CARMIL1: variants seen among roughly 807,000 people sequenced by gnomAD.
The protein encoded by CARMIL1 is capping protein regulator and myosin 1 linker 1.
Under a neutral mutation model 177.1 loss-of-function variants are expected in CARMIL1, and 90 were observed. The observed-to-expected ratio is 0.51, with a 90% confidence interval of 0.43 to 0.61. The LOEUF is 0.61. CARMIL1 is among the 20% of genes least tolerant of loss of function. The pLI is 0.00. For missense variants in CARMIL1, 1,380 were observed against 1,667.0 expected (o/e 0.83, Z 3.00); for synonymous variants, 577 against 606.2 (o/e 0.95, Z 0.71).
At chr6:25,488,152 G>A (rs569560229) in intron 12 of CARMIL1, among the ~76,000 whole-genome samples, 1 of 152,280 alleles carries the variant, frequency 6.6e-6, no homozygotes, top group Admixed American at 6.5e-5. Flanking sequence ...ATTAAGAGAA[G>A]GATAAACATT....
intron 29 of CARMIL1, among the ~76,000 whole-genome samples, chr6:25,565,201 A>G (rs1811445116): frequency 6.6e-6 from 1 of 152,260 alleles, no homozygotes; most frequent in Non-Finnish European, 1.5e-5. Flanking sequence ...CATGAGCCTT[A>G]TCACCCAGAA....
intron 24 of CARMIL1, 47 bp downstream of exon 24, chr6:25,528,940 C>A: frequency 7.1e-7 from 1 of 1,410,324 alleles, no homozygotes; most frequent in South Asian, 1.2e-5. Flanking sequence ...CTTAACTGAC[C>A]CTCTGAGAGC....
rs1281711966 is a variant in CARMIL1, at chr6:25,554,760, G to A, written c.2592+664G>A. Among the ~76,000 whole-genome samples, 1 of 152,174 alleles carries A rather than the reference G, an allele frequency of 6.6e-6. No individual in the cohort carries two copies. Among genetic ancestry groups the A allele is most frequent in the Non-Finnish European group, 1.5e-5 (1 of 68,012 alleles). ...ATATCTAATGCCTCAATATGATGCA[G>A]TGGAAGTCTCCCAGGAAAGTTATAG... is the stretch of plus-strand genomic sequence containing the variant. On this transcript the variant is annotated intron_variant, in intron 28 of 36. Transcript: ENST00000329474. The surrounding 1 kb of genome is among the most constrained non-coding windows in gnomAD (Gnocchi z 4.6).
intron 12 of CARMIL1, among the ~76,000 whole-genome samples, chr6:25,487,533 A>G (rs919784727): frequency 1.3e-5 from 2 of 152,240 alleles, no homozygotes; most frequent in African/African-American, 4.8e-5. Context: ...AAAATATATA[A>G]TTTGGAACCA....
chr6:25,291,207 TA>T (rs1781936646), intron 2 of CARMIL1, among the ~76,000 whole-genome samples: 1 of 152,108 alleles, frequency 6.6e-6, no homozygotes, highest in Non-Finnish European at 1.5e-5. Flanking sequence ...TAAGTTAACT[TA>T]AAAAAATGTC....
chr6:25,492,696 A>G (rs1803359414), intron 15 of CARMIL1, among the ~76,000 whole-genome samples: 1 of 152,174 alleles, frequency 6.6e-6, no homozygotes, highest in Non-Finnish European at 1.5e-5. Context: ...ATATGATTTT[A>G]AATAACATGG....
At chr6:25,490,224 A>C (rs866527897) in intron 13 of CARMIL1, among the ~76,000 whole-genome samples, 1 of 152,136 alleles carries the variant, frequency 6.6e-6, no homozygotes, top group African/African-American at 2.4e-5. Flanking sequence ...AAGTGTGGCC[A>C]AATAGTCTTG....
chr6:25,580,477 A>G (rs954673194), intron 29 of CARMIL1, among the ~76,000 whole-genome samples: 3 of 152,236 alleles, frequency 2.0e-5, no homozygotes, highest in Admixed American at 6.5e-5. Flanking sequence ...TCTTGGGGGC[A>G]AAATGTGAAA....
At chr6:25,441,337 A>ATATATGTGTGTGTGTG in intron 5 of CARMIL1, among the ~76,000 whole-genome samples, 134 of 94,520 alleles carry the variant, frequency 1.4e-3, no homozygotes, top group African/African-American at 3.2e-3. Flanking sequence ...ATATATATAT[A>ATATATGTGTGTGTGTG]TGTGTGTGTG....
At chr6:25,356,090 G>A (rs566933991) in intron 2 of CARMIL1, among the ~76,000 whole-genome samples, 5 of 140,222 alleles carry the variant, frequency 3.6e-5, no homozygotes, top group East Asian at 2.1e-4. Context: ...TCGCTCTGTC[G>A]CCCAGGCCGG....
In CARMIL1 at chr6:25,284,840, G is replaced by C; in HGVS notation, c.69G>C (p.Lys23Asn). 2 of 1,565,126 alleles carry C rather than the reference G, an allele frequency of 1.3e-6. No individual in the cohort carries two copies. Among genetic ancestry groups the C allele is most frequent in the Non-Finnish European group, 1.7e-6 (2 of 1,151,734 alleles). ...IESIKDVIGR[K>N]IKISVKKKVK... Reference sequence around the variant, plus strand: ...GCATAAAGGATGTTATTGGCAGAAAGATAAAAATTTCAGTGAAGAAGAAAG... The same window carrying C: ...GCATAAAGGATGTTATTGGCAGAAACATAAAAATTTCAGTGAAGAAGAAAG... Residue 23 changes from lysine (K) to asparagine (N), a missense_variant, in exon 2 of 37, where the codon AAG becomes AAC. Lys to Asn is a moderately conservative substitution (Grantham distance 94). Transcript: ENST00000329474.
intron 11 of CARMIL1, among the ~76,000 whole-genome samples, chr6:25,474,283 ATT>A (rs879384730): frequency 3.7e-5 from 5 of 136,450 alleles, no homozygotes; most frequent in East Asian, 2.1e-4. Context: ...AATTTTTTGT[ATT>A]TTTTTTTTTT....
At chr6:25,349,442 A>G (rs996307620) in intron 2 of CARMIL1, among the ~76,000 whole-genome samples, 1 of 152,248 alleles carries the variant, frequency 6.6e-6, no homozygotes, top group Admixed American at 6.5e-5. Flanking sequence ...TAAGGCAGAT[A>G]GACTGTTGGG....
intron 2 of CARMIL1, among the ~76,000 whole-genome samples, chr6:25,387,114 C>CAAAAAAAAAAAAAAAAAAAAAAA (rs377548646): frequency 6.9e-5 from 7 of 101,916 alleles, no homozygotes; most frequent in East Asian, 6.4e-4. Context: ...ACTCTGTCTC[C>CAAAAAAAAAAAAAAAAAAAAAAA]AAAAAAAAAA....
At chr6:25,608,821 A>G (rs986851421) in intron 35 of CARMIL1, among the ~76,000 whole-genome samples, 1 of 152,190 alleles carries the variant, frequency 6.6e-6, no homozygotes, top group African/African-American at 2.4e-5. Context: ...ATTGTCTTCT[A>G]CGTGCACAGA....
chr6:25,408,780 C>A (rs1460319125), intron 2 of CARMIL1, among the ~76,000 whole-genome samples: 2 of 151,282 alleles, frequency 1.3e-5, no homozygotes, highest in Non-Finnish European at 2.9e-5. Flanking sequence ...GGAGTTAAGA[C>A]CGGCCTGGGC....
At chr6:25,495,536 T>TGTG (rs2151007516) in intron 16 of CARMIL1, among the ~76,000 whole-genome samples, 1 of 117,578 alleles carries the variant, frequency 8.5e-6, no homozygotes, top group East Asian at 2.6e-4. Flanking sequence ...TATTCGTTTG[T>TGTG]TCGTGTGTGT....
chr6:25,282,821 T>C (rs889306713), intron 1 of CARMIL1, among the ~76,000 whole-genome samples: 2 of 152,196 alleles, frequency 1.3e-5, no homozygotes, highest in African/African-American at 4.8e-5. Context: ...CATGATCTTA[T>C]GCATTGTGTG....
chr6:25,340,730 G>C lies in CARMIL1; in HGVS notation c.138+55821G>C, dbSNP rs1581620842. Among the ~76,000 whole-genome samples the C allele has an allele frequency of 3.6e-5, 5 of 140,672 alleles. No individual in the cohort carries two copies. In the South Asian group the frequency reaches 1.3e-3, roughly 36 times the overall value. The allele number at this position is 140,672 out of a possible 152,430, so 92.3% of individuals were successfully genotyped here. Reference sequence around the variant, plus strand: ...CCTCAATGTACAGGATAGTGGGTCAGTAGAAGAAACCTCACAAAGGAAAGC... The same window carrying C: ...CCTCAATGTACAGGATAGTGGGTCACTAGAAGAAACCTCACAAAGGAAAGC... On this transcript the variant is annotated intron_variant, in intron 2 of 36. Transcript: ENST00000329474.
Sources: allele counts gnomAD v4.1 joint callset (sites outside exome capture counted in the v4.1 genomes callset), GRCh38; gene constraint gnomAD v4.1.1; non-coding constraint Gnocchi (gnomAD v3.1); transcripts MANE v1.5; gene names NCBI Gene and HGNC (gene_info 2026-07-23, HGNC 2026-07-21).